Variants in EEF2K observed in about 807,000 individuals in gnomAD.
EEF2K encodes the protein alternative protein EEF2K.
EEF2K carries 70 observed loss-of-function variants against 93.8 expected under a neutral mutation model. That is an observed-to-expected ratio of 0.75 (90% CI 0.62 to 0.91). The LOEUF (loss-of-function observed/expected upper bound fraction) is 0.91. Ranked by LOEUF, EEF2K falls within the 40% of genes least tolerant of loss-of-function variation. The pLI is 0.00. For synonymous variants in EEF2K, 376 were observed against 380.8 expected (o/e 0.99, Z 0.15); for missense variants, 935 against 972.9 (o/e 0.96, Z 0.52).
intron 16 of EEF2K, among the ~76,000 whole-genome samples, chr16:22,276,692 G>T (rs1039664358): frequency 1.3e-5 from 2 of 152,292 alleles, no homozygotes; most frequent in African/African-American, 4.8e-5. Flanking sequence ...GGCCAATTTT[G>T]CTTTGCCCTT....
chr16:22,265,023 C>A, intron 13 of EEF2K, 143 bp downstream of exon 13: 1 of 916,930 alleles, frequency 1.1e-6, no homozygotes, highest in Non-Finnish European at 1.7e-6. Context: ...AGCAGCAAAT[C>A]TGGGCAAATG....
chr16:22,225,789 A>G lies in EEF2K; in HGVS notation c.60A>G (p.Arg20=). Residue 20 remains arginine, a synonymous_variant, in exon 2 of 18, where the codon CGA becomes CGG. Transcript: ENST00000263026. Reference sequence around the variant, plus strand: ...GCGTTGATGGCGGCCAGTCCCCCCGAGCTGGCCATGATGGTGATTCTGATG... The same window carrying G: ...GCGTTGATGGCGGCCAGTCCCCCCGGGCTGGCCATGATGGTGATTCTGATG... ...LEGVDGGQSP[R]AGHDGDSDGD... 6.2e-7 allele frequency: 1 copy of G among 1,614,188 alleles called. No homozygotes were observed.
At position 22,244,329 on chromosome 16, in the gene EEF2K, AT is replaced by A. The variant is rs2047261922; in HGVS notation, c.247-300del. On this transcript the variant is annotated intron_variant, in intron 2 of 17. Coordinates refer to ENST00000263026, the MANE Select transcript of EEF2K (RefSeq NM_013302.5). ...TGTGTGTATATCCTATATAATATAT[AT>A]ATAATGAAATGTTAGCCAACCTGAA... Among the ~76,000 whole-genome samples the A allele has an allele frequency of 2.6e-5, 4 of 151,444 alleles. No homozygotes were observed. In the Admixed American group the frequency reaches 2.7e-4, roughly 10 times the overall value.
At chr16:22,223,722 C>G (rs2047036767) in intron 1 of EEF2K, among the ~76,000 whole-genome samples, 1 of 152,174 alleles carries the variant, frequency 6.6e-6, no homozygotes, top group Non-Finnish European at 1.5e-5. Flanking sequence ...TGTGACAGTT[C>G]TATCCTACAA....
Position 22,266,378 on chromosome 16 carries a change from C to A in EEF2K, c.1441-12C>A. The A allele has an allele frequency of 1.2e-6, 2 of 1,610,842 alleles. No homozygotes were observed. The highest frequency in any genetic ancestry group is 1.1e-5 in the South Asian group (1 of 90,678). ...CAGCCCCTCGCTTCCCTGGCCGGTT[C>A]TTTCCCTTCAGGTATGTGTAGAGAA... On this transcript the variant is annotated splice_polypyrimidine_tract_variant and intron_variant, in intron 13 of 17. Transcript: ENST00000263026.
intron 15 of EEF2K, among the ~76,000 whole-genome samples, chr16:22,270,620 G>A (rs1254802101): frequency 6.6e-6 from 1 of 152,142 alleles, no homozygotes; most frequent in Non-Finnish European, 1.5e-5. Context: ...GTGAGCTATT[G>A]ATGGACACTT....
intron 2 of EEF2K, among the ~76,000 whole-genome samples, chr16:22,234,556 A>T (rs1047965023): frequency 7.9e-5 from 12 of 150,980 alleles, no homozygotes; most frequent in South Asian, 2.1e-4. Context: ...AAAAAAAAAA[A>T]TTTTAGCAGT....
At chr16:22,223,535 G>A (rs1174857923) in intron 1 of EEF2K, among the ~76,000 whole-genome samples, 11 of 152,122 alleles carry the variant, frequency 7.2e-5, no homozygotes, top group Non-Finnish European at 2.9e-5. Flanking sequence ...TGGGTATGGC[G>A]TAAGGAAGGG....
chr16:22,214,707 G>A (rs1279687976), intron 1 of EEF2K, among the ~76,000 whole-genome samples: 2 of 152,084 alleles, frequency 1.3e-5, no homozygotes, highest in South Asian at 2.1e-4. Context: ...AACAAGGAAG[G>A]CTTTCTGGAG....
intron 1 of EEF2K, among the ~76,000 whole-genome samples, chr16:22,219,817 C>A (rs1439474526): frequency 2.0e-5 from 3 of 152,036 alleles, no homozygotes; most frequent in Non-Finnish European, 4.4e-5. Flanking sequence ...TATAAGAGAC[C>A]CAGGTTCTGT....
chr16:22,245,168 T>C (rs1269540251), intron 3 of EEF2K, among the ~76,000 whole-genome samples: 1 of 152,106 alleles, frequency 6.6e-6, no homozygotes, highest in Non-Finnish European at 1.5e-5. Flanking sequence ...CTCAGGAGGC[T>C]GAGGCAGGAG....
intron 1 of EEF2K, among the ~76,000 whole-genome samples, chr16:22,208,118 A>G (rs1430194003): frequency 6.6e-6 from 1 of 152,156 alleles, no homozygotes; most frequent in African/African-American, 2.4e-5. Context: ...TTCTCAAAGA[A>G]GGGGGTGGGG....
rs1397920219 is a variant in EEF2K, at chr16:22,262,553, GTATTAAATA to G, written c.1300-555_1300-547del. Among the ~76,000 whole-genome samples, 4 of 152,088 alleles carry G rather than the reference GTATTAAATA, an allele frequency of 2.6e-5. No individual in the cohort carries two copies. In the East Asian group the frequency reaches 7.7e-4, roughly 29 times the overall value. ...TGTGGTTTTGGTTGAGGGCTTATTT[GTATTAAATA>G]TTGTTCCCAATGCTATATTTTTGTC... On this transcript the variant is annotated intron_variant, in intron 11 of 17. Transcript: ENST00000263026.
At chr16:22,277,128 A>G (rs1253819066) in intron 16 of EEF2K, among the ~76,000 whole-genome samples, 3 of 152,062 alleles carry the variant, frequency 2.0e-5, no homozygotes, top group Non-Finnish European at 4.4e-5. Context: ...CATTTTTTAA[A>G]TTTAACTTTT....
Position 22,237,047 on chromosome 16 carries a change from C to T in EEF2K, c.247-7583C>T, listed in dbSNP as rs137863186. 1.4e-4 allele frequency among the ~76,000 whole-genome samples: 20 copies of T among 143,326 alleles called. 1 individual carries two copies. In the East Asian group the frequency reaches 3.6e-3, roughly 26 times the overall value. 94.0% of individuals were successfully genotyped at this position (143,326 alleles called of 152,430 possible). The stretch of plus-strand genomic sequence containing the variant: ...GCAACCTCCACCTCCTGGGTTCAAG[C>T]GATTCTCATGCCTCAGCCTCCTGAG... On this transcript the variant is annotated intron_variant, in intron 2 of 17. Transcript: ENST00000263026.
At chr16:22,219,156 A>T (rs1365922223) in intron 1 of EEF2K, among the ~76,000 whole-genome samples, 3 of 152,118 alleles carry the variant, frequency 2.0e-5, no homozygotes, top group Admixed American at 2.0e-4. Flanking sequence ...GTGTTAGAAC[A>T]GGCCTCCTGG....
chr16:22,280,189 C>T lies in EEF2K; in HGVS notation c.1890-9C>T. 6.8e-7 allele frequency: 1 copy of T among 1,466,600 alleles called. No individual in the cohort carries two copies. The allele number at this position is 1,466,600 out of a possible 1,614,324, so 90.8% of individuals were successfully genotyped here. On this transcript the variant is annotated splice_polypyrimidine_tract_variant and intron_variant, in intron 16 of 17. Coordinates refer to ENST00000263026, the MANE Select transcript of EEF2K (RefSeq NM_013302.5). ...AACCTCCACCTTTCCCTCTGTATCT[C>T]CTGGCAAGGTGCCAAGACTGGCTAG...
chr16:22,233,065 G>A (rs1253973690), intron 2 of EEF2K, among the ~76,000 whole-genome samples: 2 of 152,164 alleles, frequency 1.3e-5, no homozygotes, highest in Non-Finnish European at 2.9e-5. Flanking sequence ...CCATTCAGGG[G>A]GCCGCCCTCT....
In EEF2K at chr16:22,251,190, G is replaced by C. The variant is rs2047346950; in HGVS notation, c.486G>C (p.Lys162Asn). Residue 162 changes from lysine (K) to asparagine (N), a missense_variant, in exon 6 of 18, where the codon AAG becomes AAC. Transcript: ENST00000263026. ...LSNFLHAQQW[K>N]GASNYVAKRY... ...ACTTCTTGCATGCCCAGCAGTGGAA[G>C]GGCGCCTCCAACTACGTGGCGAAGC... is the stretch of plus-strand genomic sequence containing the variant. The C allele has an allele frequency of 6.2e-7, 1 of 1,614,020 alleles. No homozygotes were observed. The highest frequency in any genetic ancestry group is 1.7e-5 in the Admixed American group (1 of 59,974).
Sources: allele counts gnomAD v4.1 joint callset (sites outside exome capture counted in the v4.1 genomes callset), GRCh38; gene constraint gnomAD v4.1.1; transcripts MANE v1.5; gene names NCBI Gene and HGNC (gene_info 2026-07-23, HGNC 2026-07-21).